Variants in PDZD9 observed in about 807,000 individuals in gnomAD.
The protein encoded by PDZD9 is PDZ domain-containing protein 9.
In PDZD9, 13 loss-of-function variants were observed where a neutral mutation model predicts 16.3. The ratio of observed to expected loss-of-function variants is 0.80; its 90% confidence interval spans 0.52 to 1.27. The LOEUF (loss-of-function observed/expected upper bound fraction) is 1.27, where lower values mean the gene tolerates loss of function less well. PDZD9 is among the 50% of genes most tolerant of loss of function. PDZD9 has a pLI of 0.00. For missense variants in PDZD9, 288 were observed against 310.9 expected (o/e 0.93, Z 0.55); for synonymous variants, 120 against 111.0 (o/e 1.08, Z -0.51).
intron 2 of PDZD9, among the ~76,000 whole-genome samples, chr16:21,989,112 T>A (rs1597977898): frequency 6.6e-6 from 1 of 151,878 alleles, no homozygotes. Context: ...TTTTTTTTTT[T>A]AGTAGAGATG....
At chr16:21,989,355 C>T (rs1187577320) in intron 2 of PDZD9, among the ~76,000 whole-genome samples, 2 of 151,984 alleles carry the variant, frequency 1.3e-5, no homozygotes, top group East Asian at 1.9e-4. Context: ...GTTTTTGAGA[C>T]GTTTCTGAAG....
At chr16:21,983,522 T>C (rs1412241839), downstream of PDZD9, 2 of 306,238 alleles carry the variant, frequency 6.5e-6, no homozygotes, top group Non-Finnish European at 5.9e-6. Context: ...CAGATTACTA[T>C]TGGTGGCGTT....
rs747512789 is a variant in PDZD9 at position 21,996,376 on chromosome 16, T to C, written c.157A>G (p.Ile53Val). 1.1e-5 allele frequency: 17 copies of C among 1,535,968 alleles called. No individual in the cohort carries two copies. In the South Asian group the frequency reaches 1.9e-4, roughly 17 times the overall value. ...IIIQHGPYLQITHLIRKGAAA... is the reference protein window; with the variant it reads ...IIIQHGPYLQVTHLIRKGAAA... ...GCCCCCTTCCTGATGAGGTGGGTGA[T>C]CTGGAGGTAGGGTCCATGCTGGATG... Residue 53 changes from isoleucine (I) to valine (V), a missense_variant, in exon 2 of 4, where the codon ATC (isoleucine) becomes GTC (valine). By Grantham distance (29) the Ile-to-Val change is conservative. Transcript: ENST00000424898.
Position 21,996,483 on chromosome 16 carries a change from T to C in PDZD9, c.50A>G (p.Lys17Arg), listed in dbSNP as rs2141962911. ...KNKKERGVSN[K>R]VKTSVHNLSK... ...CAAGTTGTGTACAGATGTTTTGACC[T>C]TGTTGCTGACTCCTCTTTCTAACCA... Residue 17 changes from lysine (K) to arginine (R), a missense_variant, in exon 2 of 4, where the codon AAG (lysine) becomes AGG (arginine). Coordinates refer to ENST00000424898, the MANE Select transcript of PDZD9 (RefSeq NM_001363519.1). 1 of 1,535,190 alleles carries C rather than the reference T, an allele frequency of 6.5e-7. No homozygotes were observed. The highest frequency in any genetic ancestry group is 2.0e-5 in the Admixed American group (1 of 50,948).
intron 3 of PDZD9, among the ~76,000 whole-genome samples, chr16:21,988,385 G>A (rs545221673): frequency 2.0e-5 from 3 of 152,130 alleles, no homozygotes; most frequent in South Asian, 2.1e-4. Flanking sequence ...ATTCCCAACC[G>A]ATGACTTGTT....
At chr16:22,000,786 T>C (rs1899275805) in intron 1 of PDZD9, among the ~76,000 whole-genome samples, 2 of 151,676 alleles carry the variant, frequency 1.3e-5, no homozygotes, top group Admixed American at 1.3e-4. Context: ...ATCGCGCCAC[T>C]GCACTCCAGC....
chr16:21,963,134 G>A, the PDZD9 span: 28 of 289,212 alleles, frequency 9.7e-5, no homozygotes, highest in Non-Finnish European at 1.6e-4. Context: ...AATTATAGGT[G>A]TGCACCACCA....
At chr16:21,971,956 T>G in the PDZD9 span, 2 of 1,614,176 alleles carry the variant, frequency 1.2e-6, no homozygotes, top group Non-Finnish European at 1.7e-6. Flanking sequence ...GACAGTCTTG[T>G]CCATGCTGCT....
At chr16:21,976,892 G>A in the PDZD9 span, 4 of 152,024 alleles carry the variant, frequency 2.6e-5, no homozygotes, top group Non-Finnish European at 5.9e-5. Context: ...AATATTCATT[G>A]GTGTGTCAAA....
the PDZD9 span, chr16:21,977,028 C>A: frequency 6.6e-6 from 1 of 151,914 alleles, no homozygotes; most frequent in Non-Finnish European, 1.5e-5. Flanking sequence ...CGAAAGACTC[C>A]ATGTTAGAGT....
intron 1 of PDZD9, 150 bp downstream of exon 1, chr16:22,000,866 TG>T (rs1899281205): frequency 5.7e-6 from 4 of 696,192 alleles, no homozygotes; most frequent in South Asian, 1.7e-5. Context: ...ATGATGATGA[TG>T]ATGATGATAA....
At chr16:21,995,686 C>T (rs937305939) in intron 2 of PDZD9, among the ~76,000 whole-genome samples, 2 of 152,046 alleles carry the variant, frequency 1.3e-5, no homozygotes, top group Non-Finnish European at 2.9e-5. Context: ...CAACCTCCGC[C>T]TCCCGGGTTC....
chr16:21,971,396 C>A, the PDZD9 span: 1 of 718,766 alleles, frequency 1.4e-6, no homozygotes, highest in Non-Finnish European at 2.3e-6. Context: ...GGCATTATGG[C>A]AGGAAGACTC....
the PDZD9 span, chr16:21,962,189 C>T: frequency 2.4e-6 from 1 of 415,890 alleles, no homozygotes; most frequent in Non-Finnish European, 4.4e-6. Context: ...CCCTTTGTGA[C>T]TGGCTTATTA....
At chr16:21,993,940 T>C (rs2141960729) in intron 2 of PDZD9, among the ~76,000 whole-genome samples, 1 of 152,248 alleles carries the variant, frequency 6.6e-6, no homozygotes, top group Non-Finnish European at 1.5e-5. Context: ...CATGGGAGGA[T>C]TGCTTGAGGC....
chr16:21,984,733 T>A, intron 3 of PDZD9, 73 bp from the exon 4 acceptor site: 1 of 1,234,916 alleles, frequency 8.1e-7, no homozygotes. Flanking sequence ...ACAAGATGCC[T>A]TATAACTTGC....
chr16:21,975,830 C>A, the PDZD9 span, among the ~76,000 whole-genome samples: 2 of 152,122 alleles, frequency 1.3e-5, no homozygotes. Flanking sequence ...GTGGCTCACA[C>A]CTATAATCCC....
intron 1 of PDZD9, among the ~76,000 whole-genome samples, chr16:21,998,022 C>T (rs1461311940): frequency 6.6e-6 from 1 of 152,142 alleles, no homozygotes; most frequent in Non-Finnish European, 1.5e-5. Flanking sequence ...CTCACCTTCC[C>T]CCAAACCACA....
At chr16:21,976,045 A>G in the PDZD9 span, 1 of 639,374 alleles carries the variant, frequency 1.6e-6, no homozygotes, top group South Asian at 2.0e-5. Context: ...CCGCATGGAC[A>G]CTGTGCTGTT....
Sources: allele counts gnomAD v4.1 joint callset (sites outside exome capture counted in the v4.1 genomes callset), GRCh38; gene constraint gnomAD v4.1.1; transcripts MANE v1.5; gene names NCBI Gene and HGNC (gene_info 2026-07-23, HGNC 2026-07-21).